The following PCSK1 variants were observed in gnomAD, a reference collection of about 807,000 sequenced individuals.
PCSK1 encodes proprotein convertase subtilisin/kexin type 1, also known as neuroendocrine convertase 1.
A neutral mutation model predicts 90.6 loss-of-function variants in PCSK1; 56 were observed. The observed-to-expected ratio is 0.62, with a 90% confidence interval of 0.50 to 0.77. The LOEUF (loss-of-function observed/expected upper bound fraction) is 0.77, where lower values mean the gene tolerates loss of function less well. PCSK1 is among the 30% of genes least tolerant of loss of function. The pLI is 0.00. For synonymous variants in PCSK1, 348 were observed against 342.4 expected (o/e 1.02, Z -0.18); for missense variants, 801 against 932.6 (o/e 0.86, Z 1.84).
At chr5:96,401,013 G>C (rs1362233232) in intron 9 of PCSK1, among the ~76,000 whole-genome samples, 1 of 148,764 alleles carries the variant, frequency 6.7e-6, no homozygotes, top group African/African-American at 2.5e-5. Context: ...CGTGAACCTG[G>C]GAGGCGGAGC....
intron 13 of PCSK1, among the ~76,000 whole-genome samples, chr5:96,394,296 A>G (rs1184806101): frequency 1.3e-5 from 2 of 152,172 alleles, no homozygotes; most frequent in African/African-American, 4.8e-5. Flanking sequence ...GCAGGCTGAA[A>G]CCCAGGAATG....
intron 9 of PCSK1, among the ~76,000 whole-genome samples, chr5:96,403,351 G>A (rs1312149784): frequency 1.3e-5 from 2 of 152,054 alleles, no homozygotes; most frequent in African/African-American, 4.8e-5. Flanking sequence ...TGCCATGTTG[G>A]TGTGCTGCAC....
chr5:96,403,027 C>T (rs997864380), intron 9 of PCSK1, among the ~76,000 whole-genome samples: 1 of 152,128 alleles, frequency 6.6e-6, no homozygotes, highest in African/African-American at 2.4e-5. Flanking sequence ...CCGTTTGGAT[C>T]ATCAGTATGT....
intron 3 of PCSK1, among the ~76,000 whole-genome samples, chr5:96,423,975 A>G (rs766754586): frequency 2.6e-5 from 4 of 152,162 alleles, no homozygotes; most frequent in Non-Finnish European, 5.9e-5. Context: ...TTGCAATGTG[A>G]TTGCCTATTT....
At chr5:96,406,143 A>C (rs1489296278) in intron 9 of PCSK1, among the ~76,000 whole-genome samples, 1 of 152,164 alleles carries the variant, frequency 6.6e-6, no homozygotes, top group African/African-American at 2.4e-5. Context: ...TAGGAAGAGA[A>C]GAAGTTTGTA....
chr5:96,405,688 G>A lies in PCSK1; in HGVS notation c.1196+2535C>T, dbSNP rs140467750. ...ACTGTCTCCAAAAGAAAAAGAAAAG[G>A]AAAGGATTATTTTCTGTATAGGATC... is the stretch of plus-strand genomic sequence containing the variant. On this transcript the variant is annotated intron_variant, in intron 9 of 13. Coordinates refer to ENST00000311106, the MANE Select transcript of PCSK1 (RefSeq NM_000439.5). 6.4e-4 allele frequency among the ~76,000 whole-genome samples: 97 copies of A among 152,238 alleles called. No individual in the cohort carries two copies. In the East Asian group the frequency reaches 0.018, roughly 29 times the overall value.
chr5:96,430,711 A>G (rs1365764906), intron 1 of PCSK1, among the ~76,000 whole-genome samples: 2 of 152,250 alleles, frequency 1.3e-5, no homozygotes, highest in African/African-American at 4.8e-5. Flanking sequence ...TTCTAATAAA[A>G]TAATTTTGTT....
At position 96,428,507 on chromosome 5, in the gene PCSK1, A is replaced by G. The variant is rs545178925; in HGVS notation, c.285+706T>C. ...ACCTTGAAAATAGACTTCAAAATCA[A>G]TAGGTACATTAGCTATCTATTCAAA... On this transcript the variant is annotated intron_variant, in intron 2 of 13. Coordinates refer to ENST00000311106, the MANE Select transcript of PCSK1 (RefSeq NM_000439.5). 3.9e-5 allele frequency among the ~76,000 whole-genome samples: 6 copies of G among 152,352 alleles called. No individual in the cohort carries two copies. The South Asian group carries it at 1.2e-3, about 32-fold the overall frequency.
chr5:96,394,130 A>G (rs1173361054), intron 13 of PCSK1, among the ~76,000 whole-genome samples: 1 of 152,176 alleles, frequency 6.6e-6, no homozygotes, highest in Non-Finnish European at 1.5e-5. Flanking sequence ...CTTCCAAAAC[A>G]CCCAGCTCAG....
At chr5:96,429,752 C>A (rs1431786015) in intron 1 of PCSK1, among the ~76,000 whole-genome samples, 2 of 152,148 alleles carry the variant, frequency 1.3e-5, no homozygotes, top group South Asian at 4.1e-4. Context: ...TAATGGCCTC[C>A]AGCTCCATCC....
chr5:96,408,324 C>G lies in PCSK1; in HGVS notation c.1096-1G>C. ...AGTCATTGTGCAGGTCAGCGCTCGT[C>G]TGGATGACGTCAGGAAGGAGAGAAA... On this transcript the variant is annotated splice_acceptor_variant, in intron 8 of 13. Transcript: ENST00000311106. LOFTEE classifies it high-confidence loss of function. The G allele has an allele frequency of 6.2e-7, 1 of 1,612,200 alleles. No homozygotes were observed. The highest frequency in any genetic ancestry group is 8.5e-7 in the Non-Finnish European group (1 of 1,178,476).
chr5:96,432,072 C>T (rs752663357), intron 1 of PCSK1: 3 of 1,526,006 alleles, frequency 2.0e-6, no homozygotes, highest in Non-Finnish European at 2.6e-6. Context: ...CCCGGGAAAA[C>T]GATTACGTAC....
chr5:96,395,573 A>G (rs1760108877), intron 12 of PCSK1, among the ~76,000 whole-genome samples: 1 of 152,198 alleles, frequency 6.6e-6, no homozygotes, highest in South Asian at 2.1e-4. Context: ...GTTCTCACTC[A>G]TAAGTGGGAG....
chr5:96,426,115 C>T (rs1761298955), intron 2 of PCSK1, among the ~76,000 whole-genome samples, 185 bp from the exon 3 acceptor site: 1 of 152,136 alleles, frequency 6.6e-6, no homozygotes. Flanking sequence ...TGAATATTTC[C>T]TCTATTACAG....
In PCSK1 at chr5:96,400,057, G is replaced by A. The variant is rs1481578787; in HGVS notation, c.1326C>T (p.Gly442=). ...GLMVNSRFGF[G]LLNAKALVDL... ...CCACCAGAGCTTTGGCATTTAGCAA[G>A]CCAAATCCAAATCGACTATTCACCA... The change falls in exon 10 of 14, where the codon GGC becomes GGT. Residue 442 remains glycine (G), a synonymous_variant. Transcript: ENST00000311106. 1.2e-6 allele frequency: 2 copies of A among 1,614,032 alleles called. No homozygotes were observed. The highest frequency in any genetic ancestry group is 1.3e-5 in the African/African-American group (1 of 74,908).
At chr5:96,406,570 C>G (rs553841552) in intron 9 of PCSK1, among the ~76,000 whole-genome samples, 1 of 152,318 alleles carries the variant, frequency 6.6e-6, no homozygotes, top group Non-Finnish European at 1.5e-5. Context: ...CCGAGATACC[C>G]AGGAATATAC....
chr5:96,406,796 G>A (rs1459082059), intron 9 of PCSK1, among the ~76,000 whole-genome samples: 5 of 152,200 alleles, frequency 3.3e-5, no homozygotes, highest in Non-Finnish European at 4.4e-5. Flanking sequence ...TCCTTATTAG[G>A]AAGGATAATA....
chr5:96,433,162 G>T lies in PCSK1; in HGVS notation c.-120C>A. 2.1e-6 allele frequency: 2 copies of T among 962,766 alleles called. No individual in the cohort carries two copies. The highest frequency in any genetic ancestry group is 1.8e-5 in the Admixed American group (1 of 54,434). The allele number at this position is 962,766 out of a possible 1,614,324, so 59.6% of individuals were successfully genotyped here. A position where few individuals can be genotyped will look rare whatever the true frequency, so the allele number is the denominator to read the frequency against. On this transcript the variant is annotated 5_prime_UTR_variant, in exon 1 of 14. Coordinates refer to ENST00000311106, the MANE Select transcript of PCSK1 (RefSeq NM_000439.5). ...GGCTCTAGACCACTCCTGGCTCCTG[G>T]TTGCTCTGCGAAGAGCTAGGAGGCG...
At chr5:96,408,744 A>G (rs1025151276) in intron 8 of PCSK1, among the ~76,000 whole-genome samples, 1 of 152,256 alleles carries the variant, frequency 6.6e-6, no homozygotes, top group African/African-American at 2.4e-5. Context: ...TCAGATTGAC[A>G]TTTGGCTGCC....
Sources: gnomAD v4.1 joint callset for allele counts (sites outside exome capture counted in the v4.1 genomes callset) on GRCh38, gnomAD v4.1.1 for gene constraint, MANE v1.5 for transcripts, NCBI Gene and HGNC (gene_info 2026-07-23, HGNC 2026-07-21) for gene names.